The following WWOX variants were observed in gnomAD, a reference collection of about 807,000 sequenced individuals.
WWOX encodes WW domain containing oxidoreductase, also known as WW domain-containing oxidoreductase.
In WWOX, 69 loss-of-function variants were observed where a neutral mutation model predicts 46.2. That is an observed-to-expected ratio of 1.49 (90% CI 1.23 to 1.82). The LOEUF (loss-of-function observed/expected upper bound fraction) is 1.82. WWOX is among the 40% of genes most tolerant of loss of function. The pLI, the probability that WWOX is intolerant of heterozygous loss-of-function variation, is 0.00. For missense variants in WWOX, 919 were observed against 542.6 expected (o/e 1.69, Z -6.89); for synonymous variants, 359 against 202.6 (o/e 1.77, Z -6.56).
chr16:78,509,155 C>T (rs1051317158), intron 8 of WWOX, among the ~76,000 whole-genome samples: 1 of 152,164 alleles, frequency 6.6e-6, no homozygotes, highest in African/African-American at 2.4e-5. Flanking sequence ...ATAATTGAAG[C>T]TTGCCGGGCA....
chr16:79,208,090 G>A (rs969870315), intron 8 of WWOX, among the ~76,000 whole-genome samples: 4 of 152,168 alleles, frequency 2.6e-5, no homozygotes, highest in East Asian at 1.9e-4. Context: ...AGAGAATGAT[G>A]AATCCTTATT....
At chr16:78,649,384 A>G (rs1597393633) in intron 8 of WWOX, among the ~76,000 whole-genome samples, 1 of 152,052 alleles carries the variant, frequency 6.6e-6, no homozygotes, top group South Asian at 2.1e-4. Context: ...CCCGGGCTCA[A>G]GCGATCTTCC....
chr16:78,577,679 T>A (rs1026230580), intron 8 of WWOX, among the ~76,000 whole-genome samples: 1 of 152,230 alleles, frequency 6.6e-6, no homozygotes, highest in East Asian at 1.9e-4. Context: ...AAAGACCTTC[T>A]GGACAATTCC....
At chr16:78,368,342 C>T (rs1216248249) in intron 5 of WWOX, among the ~76,000 whole-genome samples, 2 of 152,166 alleles carry the variant, frequency 1.3e-5, no homozygotes, top group Non-Finnish European at 2.9e-5. Context: ...GGCCCTTAGC[C>T]ACAATTTCCC....
chr16:78,435,816 C>G (rs973012746), intron 8 of WWOX, among the ~76,000 whole-genome samples: 1 of 152,120 alleles, frequency 6.6e-6, no homozygotes, highest in African/African-American at 2.4e-5. Context: ...GAGCCTGTCT[C>G]ATTACGATGA....
At chr16:78,933,973 C>T (rs748531959) in intron 8 of WWOX, among the ~76,000 whole-genome samples, 10 of 152,008 alleles carry the variant, frequency 6.6e-5, no homozygotes, top group Non-Finnish European at 1.0e-4. Context: ...GGGAGAATTA[C>T]TTGAGGCCAG....
At chr16:78,481,014 TGCAAA>T (rs1037527475) in intron 8 of WWOX, among the ~76,000 whole-genome samples, 3 of 152,194 alleles carry the variant, frequency 2.0e-5, no homozygotes, top group African/African-American at 7.2e-5. Flanking sequence ...CTTCATCTTG[TGCAAA>T]GTAAACACAA....
intron 5 of WWOX, among the ~76,000 whole-genome samples, chr16:78,331,587 C>G (rs533411230): frequency 6.6e-6 from 1 of 152,266 alleles, no homozygotes; most frequent in South Asian, 2.1e-4. Context: ...CAGACGTGGC[C>G]CTGTAACCAC....
At chr16:78,145,453 G>A (rs2034164883) in intron 4 of WWOX, among the ~76,000 whole-genome samples, 1 of 152,176 alleles carries the variant, frequency 6.6e-6, no homozygotes. Flanking sequence ...TCCAGGGCAG[G>A]AAGGATCCAG....
intron 8 of WWOX, among the ~76,000 whole-genome samples, chr16:78,844,907 C>G (rs574099188): frequency 6.6e-6 from 1 of 152,188 alleles, no homozygotes; most frequent in African/African-American, 2.4e-5. Flanking sequence ...CTAGTGGTTG[C>G]TGACTCTCAG....
At chr16:78,220,159 A>G (rs1216239099) in intron 5 of WWOX, among the ~76,000 whole-genome samples, 1 of 152,160 alleles carries the variant, frequency 6.6e-6, no homozygotes, top group Admixed American at 6.5e-5. Context: ...AGTGGTGTCT[A>G]GAACATGTTG....
intron 8 of WWOX, among the ~76,000 whole-genome samples, chr16:78,813,654 G>C: frequency 1.3e-5 from 2 of 152,166 alleles, no homozygotes; most frequent in Middle Eastern, 6.8e-3. Flanking sequence ...CTTATCAACA[G>C]CAACAAAAGG....
chr16:79,042,329 A>G (rs1192313922), intron 8 of WWOX, among the ~76,000 whole-genome samples: 1 of 152,128 alleles, frequency 6.6e-6, no homozygotes. Flanking sequence ...TTTGGCTTGG[A>G]ACATGGAAGT....
intron 8 of WWOX, chr16:78,525,202 T>C (rs1597211552): frequency 1.9e-5 from 2 of 102,986 alleles, no homozygotes; most frequent in Admixed American, 1.0e-4. Context: ...TTTTTTTTTT[T>C]TGAAATGGAG....
At chr16:79,038,403 GA>G (rs1236704035) in intron 8 of WWOX, among the ~76,000 whole-genome samples, 3 of 152,006 alleles carry the variant, frequency 2.0e-5, no homozygotes, top group South Asian at 2.1e-4. Flanking sequence ...TCTAATTATG[GA>G]AAAAATTACT....
intron 8 of WWOX, among the ~76,000 whole-genome samples, chr16:78,447,378 C>T (rs371539606): frequency 3.3e-4 from 50 of 152,336 alleles, no homozygotes; most frequent in African/African-American, 1.1e-3. Flanking sequence ...AGAATTTCTA[C>T]ATCCTGCAGA....
chr16:78,385,162 A>ACACACACACACACACACACACACAC (rs1567540757), intron 5 of WWOX, among the ~76,000 whole-genome samples: 7 of 30,758 alleles, frequency 2.3e-4, no homozygotes, highest in African/African-American at 1.4e-3. Flanking sequence ...CACACACACA[A>ACACACACACACACACACACACACAC]AAGCACAGGG....
intron 5 of WWOX, among the ~76,000 whole-genome samples, chr16:78,229,723 T>C (rs1011673023): frequency 3.9e-5 from 6 of 152,054 alleles, no homozygotes; most frequent in Non-Finnish European, 7.3e-5. Context: ...GCCATAAACA[T>C]GCAGACCATG....
chr16:78,106,981 C>G (rs998066379), intron 1 of WWOX, among the ~76,000 whole-genome samples: 3 of 152,140 alleles, frequency 2.0e-5, no homozygotes, highest in South Asian at 2.1e-4. Context: ...ACCCAGCTGC[C>G]AAGACTTTGT....
Sources: allele counts gnomAD v4.1 joint callset (sites outside exome capture counted in the v4.1 genomes callset), GRCh38; gene constraint gnomAD v4.1.1; transcripts MANE v1.5; gene names NCBI Gene and HGNC (gene_info 2026-07-23, HGNC 2026-07-21).